The following MMP13 variants were observed in gnomAD, a reference collection of about 807,000 sequenced individuals.
MMP13 encodes the protein matrix metallopeptidase 13.
A neutral mutation model predicts 52.1 loss-of-function variants in MMP13; 45 were observed. The ratio of observed to expected loss-of-function variants is 0.86; its 90% CI spans 0.68 to 1.11. MMP13 has a LOEUF of 1.11. Ranked by LOEUF, MMP13 falls within the 50% of genes least tolerant of loss-of-function variation. The pLI, the probability that MMP13 is intolerant of heterozygous loss-of-function variation, is 0.00. For missense variants in MMP13, 576 were observed against 583.8 expected (o/e 0.99, Z 0.14); for synonymous variants, 200 against 204.4 (o/e 0.98, Z 0.18).
Position 102,945,523 on chromosome 11 carries a change from A to G in MMP13, c.1315+123T>C, listed in dbSNP as rs558231790. ...GTAGGTAGTCACACAGGAACAATTA[A>G]TTCCTTAACTGCCATACATTTATTA... On this transcript the variant is annotated intron_variant, in intron 9 of 9. Coordinates refer to ENST00000260302, the MANE Select transcript of MMP13 (RefSeq NM_002427.4). 8.1e-5 allele frequency: 58 copies of G among 714,458 alleles called. 1 individual carries two copies. In the South Asian group the frequency reaches 9.8e-4, roughly 12 times the overall value. 44.3% of individuals were successfully genotyped at this position (714,458 alleles called of 1,614,324 possible). A position where few individuals can be genotyped will look rare whatever the true frequency, so the allele number is the denominator to read the frequency against.
rs945093161 is a variant in MMP13 at position 102,955,362 on chromosome 11, G to C, written c.252C>G (p.Asp84Glu). The stretch of plus-strand genomic sequence containing the variant: ...TTTTCATGACATCTAAGGTGTTATC[G>C]TCAAGTTTGCCAGTCACCTCTAAGC... The part of the protein sequence containing the change: ...FFGLEVTGKL[D>E]DNTLDVMKKP... Residue 84 changes from aspartate (D) to glutamate (E), a missense_variant, in exon 2 of 10, where the codon GAC (aspartate) becomes GAG (glutamate). Physicochemically the swap from Asp to Glu is conservative, Grantham distance 45 (BLOSUM62 2). Coordinates refer to ENST00000260302, the MANE Select transcript of MMP13 (RefSeq NM_002427.4). This position sits in a 1 kb window ranked among gnomAD's most constrained non-coding sequence, Gnocchi z 4.9. The C allele has an allele frequency of 1.9e-6, 3 of 1,613,820 alleles. No individual in the cohort carries two copies. Among genetic ancestry groups the C allele is most frequent in the African/African-American group, 2.7e-5 (2 of 74,866 alleles).
chr11:102,944,466 A>C, intron 9 of MMP13, 100 bp from the exon 10 acceptor site: 1 of 848,268 alleles, frequency 1.2e-6, no homozygotes, highest in Non-Finnish European at 1.9e-6. Flanking sequence ...CATTTGTAGG[A>C]ATTTCAAACT....
chr11:102,954,677 A>G, intron 2 of MMP13, 71 bp from the exon 3 acceptor site: 1 of 1,408,890 alleles, frequency 7.1e-7, no homozygotes, highest in Non-Finnish European at 1.0e-6. Context: ...TTTTCTTGGT[A>G]TATTGCTTTT....
chr11:102,948,372 G>A (rs1325948688), intron 7 of MMP13, among the ~76,000 whole-genome samples: 1 of 152,090 alleles, frequency 6.6e-6, no homozygotes, highest in Non-Finnish European at 1.5e-5. Flanking sequence ...AAACAACACA[G>A]TAGGAAGAGT....
intron 5 of MMP13, among the ~76,000 whole-genome samples, chr11:102,950,489 G>GA (rs1327254176): frequency 3.3e-5 from 5 of 151,684 alleles, no homozygotes; most frequent in African/African-American, 1.2e-4. Flanking sequence ...AAAAAGGAGG[G>GA]AAAAAAGCAA....
rs1555017007 is a variant in MMP13, at chr11:102,949,060, T to A, written c.1016A>T (p.Glu339Val). The change falls in exon 7 of 10, where the codon GAG becomes GTG. Residue 339 changes from glutamate to valine, a missense_variant. Transcript: ENST00000260302. The surrounding 1 kb of genome is among the most constrained non-coding windows in gnomAD (Gnocchi z 4.2). ...ELPNRIDAAY[E>V]HPSHDLIFIF... ...GAAGATGAGGTCATGAGAAGGGTGCTCATATGCAGCATCAATACGGTTGGG... is the reference window on the plus strand; with the variant it reads ...GAAGATGAGGTCATGAGAAGGGTGCACATATGCAGCATCAATACGGTTGGG... The A allele has an allele frequency of 1.2e-6, 2 of 1,613,860 alleles. No individual in the cohort carries two copies. The highest frequency in any genetic ancestry group is 3.3e-5 in the Admixed American group (2 of 59,996).
At chr11:102,953,671 A>G (rs1161486002) in intron 4 of MMP13, among the ~76,000 whole-genome samples, 1 of 152,190 alleles carries the variant, frequency 6.6e-6, no homozygotes, top group East Asian at 1.9e-4. Flanking sequence ...TAGTGTTTAC[A>G]ATATATAGAC....
At chr11:102,946,404 C>A (rs984868423) in intron 8 of MMP13, among the ~76,000 whole-genome samples, 1 of 152,088 alleles carries the variant, frequency 6.6e-6, no homozygotes, top group Non-Finnish European at 1.5e-5. Flanking sequence ...TATGTTCCAA[C>A]AAGTAAAAGA....
intron 4 of MMP13, among the ~76,000 whole-genome samples, chr11:102,953,866 G>A (rs1032286059): frequency 6.6e-6 from 1 of 152,162 alleles, no homozygotes. Flanking sequence ...GTAATTTGCA[G>A]TAATAACATG....
chr11:102,952,241 A>C lies in MMP13; in HGVS notation c.638-68T>G. ...GTGACCAGGTAATGAAAGGAATATC[A>C]TTTTATCTATCTGGTATGTTTCTTT... On this transcript the variant is annotated intron_variant, in intron 4 of 9. Coordinates refer to ENST00000260302, the MANE Select transcript of MMP13 (RefSeq NM_002427.4). This position sits in a 1 kb window ranked among gnomAD's most constrained non-coding sequence, Gnocchi z 4.3. The C allele has an allele frequency of 6.6e-7, 1 of 1,509,512 alleles. No homozygotes were observed. Among genetic ancestry groups the C allele is most frequent in the Non-Finnish European group, 9.2e-7 (1 of 1,087,548 alleles). 93.5% of individuals were successfully genotyped at this position (1,509,512 alleles called of 1,614,324 possible). A position where few individuals can be genotyped will look rare whatever the true frequency, so the allele number is the denominator to read the frequency against.
At chr11:102,950,434 G>A (rs782181162) in intron 5 of MMP13, among the ~76,000 whole-genome samples, 3 of 151,972 alleles carry the variant, frequency 2.0e-5, no homozygotes, top group East Asian at 1.9e-4. Flanking sequence ...AAGACCTCTC[G>A]AGATTCTTTA....
chr11:102,951,752 T>C (rs144905065), intron 5 of MMP13, among the ~76,000 whole-genome samples: 1 of 152,156 alleles, frequency 6.6e-6, no homozygotes. Flanking sequence ...AGCCCATGTC[T>C]CCTAGGCTAG....
Position 102,952,114 on chromosome 11 carries a change from A to T in MMP13, c.697T>A (p.Ser233Thr). ...EFGHSLGLDHSKDPGALMFPI... is the reference protein window; with the variant it reads ...EFGHSLGLDHTKDPGALMFPI... ...AACATGAGTGCTCCAGGGTCCTTGG[A>T]GTGGTCAAGACCTAAGGAGTGGCCG... Residue 233 changes from serine to threonine, a missense_variant, in exon 5 of 10, where the codon TCC becomes ACC. Transcript: ENST00000260302. This position sits in a 1 kb window ranked among gnomAD's most constrained non-coding sequence, Gnocchi z 4.3. 6.2e-7 allele frequency: 1 copy of T among 1,613,358 alleles called. No individual in the cohort carries two copies. Among genetic ancestry groups the T allele is most frequent in the Admixed American group, 1.7e-5 (1 of 59,978 alleles).
In MMP13 at chr11:102,945,645, C is replaced by G; in HGVS notation, c.1315+1G>C. 6.4e-7 allele frequency: 1 copy of G among 1,554,680 alleles called. No individual in the cohort carries two copies. Among genetic ancestry groups the G allele is most frequent in the Non-Finnish European group, 8.9e-7 (1 of 1,127,172 alleles). ...AAAGTCAGTGCAATGTAACTACTTA[C>G]CATTTTTCTCATAGACAGCATCTAC... is the stretch of plus-strand genomic sequence containing the variant. On this transcript the variant is annotated splice_donor_variant, in intron 9 of 9. Coordinates refer to ENST00000260302, the MANE Select transcript of MMP13 (RefSeq NM_002427.4). LOFTEE classifies it high-confidence loss of function.
chr11:102,954,557 A>T lies in MMP13; in HGVS notation c.412T>A (p.Phe138Ile). The change falls in exon 3 of 10, where the codon TTC (phenylalanine) becomes ATC (isoleucine). Residue 138 changes from phenylalanine to isoleucine, a missense_variant. By Grantham distance (21) the Phe-to-Ile change is conservative. Transcript: ENST00000260302. ...GACCAAACTTTGAAGGCTTTTTTGA[A>T]TGCCTTTTCGACTTCAGAATGAGTC... The part of the protein sequence containing the change: ...DMTHSEVEKA[F>I]KKAFKVWSDV... 2 of 1,613,734 alleles carry T rather than the reference A, an allele frequency of 1.2e-6. No individual in the cohort carries two copies. Among genetic ancestry groups the T allele is most frequent in the Non-Finnish European group, 1.7e-6 (2 of 1,179,726 alleles).
chr11:102,953,645 T>A (rs1350862353), intron 4 of MMP13, among the ~76,000 whole-genome samples: 1 of 152,176 alleles, frequency 6.6e-6, no homozygotes, highest in Non-Finnish European at 1.5e-5. Context: ...TAAGAGTCTG[T>A]CTAGGTTTTT....
Position 102,949,330 on chromosome 11 carries a change from T to C in MMP13, c.918-172A>G, listed in dbSNP as rs1555017053. 6.6e-6 allele frequency among the ~76,000 whole-genome samples: 1 copy of C among 152,186 alleles called. No homozygotes were observed. Among genetic ancestry groups the C allele is most frequent in the East Asian group, 1.9e-4 (1 of 5,190 alleles). On this transcript the variant is annotated intron_variant, in intron 6 of 9. Transcript: ENST00000260302. This position sits in a 1 kb window ranked among gnomAD's most constrained non-coding sequence, Gnocchi z 4.2. ...TTTAAGCGCCAGTGACAAGTTGTGCTATCCTAACTAGCGTAAGGTATTCAA... is the reference window on the plus strand; with the variant it reads ...TTTAAGCGCCAGTGACAAGTTGTGCCATCCTAACTAGCGTAAGGTATTCAA...
At chr11:102,954,409 C>A (rs1333008781) in intron 3 of MMP13, 49 bp downstream of exon 3, 1 of 1,596,530 alleles carries the variant, frequency 6.3e-7, no homozygotes. Context: ...TAAAATGGAA[C>A]CAAGAATTAG....
At chr11:102,950,055 G>A (rs1860583902) in intron 6 of MMP13, 55 bp downstream of exon 6, 3 of 1,437,328 alleles carry the variant, frequency 2.1e-6, no homozygotes, top group African/African-American at 1.4e-5. Context: ...ATATGCAGAA[G>A]CAGCTTCACA....
Sources: allele counts gnomAD v4.1 joint callset (sites outside exome capture counted in the v4.1 genomes callset), GRCh38; gene constraint gnomAD v4.1.1; non-coding constraint Gnocchi (gnomAD v3.1); transcripts MANE v1.5; gene names NCBI Gene and HGNC (gene_info 2026-07-23, HGNC 2026-07-21).